Variants in GRM5 observed in about 807,000 individuals in gnomAD.
The protein encoded by GRM5 is glutamate metabotropic receptor 5.
Under a neutral mutation model 83.1 loss-of-function variants are expected in GRM5, and 19 were observed. That is an observed-to-expected ratio of 0.23 (90% confidence interval 0.16 to 0.34). GRM5 has a LOEUF of 0.34. Ranked by LOEUF, GRM5 falls within the 10% of genes least tolerant of loss-of-function variation. The probability of loss-of-function intolerance (pLI) is 1.00; values close to 1 mark genes in which losing one functional copy is unlikely to be tolerated. For synonymous variants in GRM5, 675 were observed against 633.6 expected, an observed-to-expected ratio of 1.07 and a Z score of -0.98; for missense variants, 1,160 against 1,588.3, an observed-to-expected ratio of 0.73 and a Z score of 4.58.
intron 4 of GRM5, among the ~76,000 whole-genome samples, chr11:88,624,090 T>C (rs1379645335): frequency 6.6e-6 from 1 of 152,190 alleles, no homozygotes; most frequent in African/African-American, 2.4e-5. Flanking sequence ...TATTCAGTGT[T>C]TGATGGGCTT....
At chr11:88,747,762 T>A (rs1045729780) in intron 3 of GRM5, among the ~76,000 whole-genome samples, 1 of 150,974 alleles carries the variant, frequency 6.6e-6, no homozygotes, top group Non-Finnish European at 1.5e-5. Context: ...ACTAAAAACA[T>A]ATAGAAATAC....
intron 4 of GRM5, among the ~76,000 whole-genome samples, chr11:88,646,527 T>C (rs1172200837): frequency 2.0e-5 from 3 of 151,904 alleles, no homozygotes. Context: ...ACAAACACTT[T>C]AGACATTGTA....
chr11:88,566,887 C>A (rs1942887498), intron 8 of GRM5, among the ~76,000 whole-genome samples, 166 bp downstream of exon 8: 1 of 152,132 alleles, frequency 6.6e-6, no homozygotes, highest in African/African-American at 2.4e-5. Flanking sequence ...GACCCACATC[C>A]CATTAACCCC....
At chr11:89,038,992 G>A (rs548001305) in intron 2 of GRM5, among the ~76,000 whole-genome samples, 12 of 152,160 alleles carry the variant, frequency 7.9e-5, no homozygotes, top group African/African-American at 2.6e-4. Context: ...ATGGTCAGGC[G>A]CGGTGGCTCA....
chr11:88,598,758 T>C (rs573992292), intron 5 of GRM5, among the ~76,000 whole-genome samples: 13 of 152,258 alleles, frequency 8.5e-5, no homozygotes, highest in Admixed American at 2.0e-4. Context: ...CTTTGAAGAT[T>C]CTAGGATGGG....
chr11:88,743,538 C>T (rs1259712866), intron 3 of GRM5, among the ~76,000 whole-genome samples: 1 of 152,098 alleles, frequency 6.6e-6, no homozygotes, highest in African/African-American at 2.4e-5. Flanking sequence ...TCATAACGAC[C>T]CTCAATGGTG....
chr11:89,060,215 T>C (rs1277986230), intron 1 of GRM5, among the ~76,000 whole-genome samples: 5 of 152,044 alleles, frequency 3.3e-5, no homozygotes, highest in African/African-American at 4.8e-5. Flanking sequence ...CTTTTGCGTA[T>C]GTATGTATAT....
chr11:88,928,446 A>ATGTG (rs5793360), intron 2 of GRM5, among the ~76,000 whole-genome samples: 138 of 144,724 alleles, frequency 9.5e-4, no homozygotes, highest in South Asian at 2.4e-3. Flanking sequence ...AATCTATCAT[A>ATGTG]TGTGTGTGTG....
At chr11:88,932,675 G>A (rs1011760870) in intron 2 of GRM5, among the ~76,000 whole-genome samples, 1 of 151,884 alleles carries the variant, frequency 6.6e-6, no homozygotes, top group South Asian at 2.1e-4. Context: ...TTTAGGACAT[G>A]ATATTTTGGT....
chr11:88,600,548 G>T (rs1309977272), intron 5 of GRM5, among the ~76,000 whole-genome samples: 1 of 151,468 alleles, frequency 6.6e-6, no homozygotes, highest in Non-Finnish European at 1.5e-5. Flanking sequence ...TTTATATATT[G>T]CTCAAAATCA....
intron 2 of GRM5, among the ~76,000 whole-genome samples, chr11:88,970,725 T>A (rs1939141747): frequency 6.6e-6 from 1 of 152,162 alleles, no homozygotes; most frequent in Non-Finnish European, 1.5e-5. Context: ...AACTGATAAA[T>A]TTGTCTTCCT....
intron 3 of GRM5, among the ~76,000 whole-genome samples, chr11:88,779,603 A>G (rs1255533618): frequency 1.3e-5 from 2 of 152,176 alleles, no homozygotes; most frequent in African/African-American, 4.8e-5. Flanking sequence ...AGAATTAAAG[A>G]AATTAATATA....
chr11:88,857,567 C>T (rs1944497513), intron 2 of GRM5, among the ~76,000 whole-genome samples: 1 of 151,960 alleles, frequency 6.6e-6, no homozygotes, highest in Admixed American at 6.6e-5. Context: ...TGAAGCACCT[C>T]TTCTTATTTT....
chr11:88,972,518 T>C (rs1267805203), intron 2 of GRM5, among the ~76,000 whole-genome samples: 1 of 152,152 alleles, frequency 6.6e-6, no homozygotes, highest in Non-Finnish European at 1.5e-5. Flanking sequence ...TTTACTAACA[T>C]AAATGGATAC....
intron 8 of GRM5, among the ~76,000 whole-genome samples, chr11:88,527,371 A>G (rs1218867681): frequency 6.6e-6 from 1 of 152,118 alleles, no homozygotes. Context: ...TCTTTCTCTC[A>G]TGACCACACA....
At chr11:88,879,343 A>C (rs1187827295) in intron 2 of GRM5, among the ~76,000 whole-genome samples, 4 of 151,924 alleles carry the variant, frequency 2.6e-5, no homozygotes, top group Admixed American at 6.6e-5. Flanking sequence ...ACTCAACAAC[A>C]AGAAAATAAA....
chr11:89,022,922 G>C (rs1317123274), intron 2 of GRM5, among the ~76,000 whole-genome samples: 1 of 152,128 alleles, frequency 6.6e-6, no homozygotes, highest in Non-Finnish European at 1.5e-5. Context: ...CAAATGCTTT[G>C]TAGGAAATCT....
chr11:88,828,324 C>T (rs1943928329), intron 3 of GRM5, among the ~76,000 whole-genome samples: 1 of 152,084 alleles, frequency 6.6e-6, no homozygotes, highest in Non-Finnish European at 1.5e-5. Context: ...AAACCAGAAT[C>T]CAGATATAAT....
chr11:88,621,239 CCTGT>C (rs1246083763), intron 4 of GRM5, among the ~76,000 whole-genome samples: 1 of 152,086 alleles, frequency 6.6e-6, no homozygotes, highest in African/African-American at 2.4e-5. Context: ...CCCACTTGGC[CCTGT>C]CTGTTTATCT....
Sources: gnomAD v4.1 joint callset for allele counts (sites outside exome capture counted in the v4.1 genomes callset) on GRCh38, gnomAD v4.1.1 for gene constraint, MANE v1.5 for transcripts, NCBI Gene and HGNC (gene_info 2026-07-23, HGNC 2026-07-21) for gene names.